The following RPS6KC1 variants were observed in gnomAD, a reference collection of about 807,000 sequenced individuals.
RPS6KC1 encodes the protein inactive ribosomal protein S6 kinase delta-1.
A neutral mutation model predicts 103.8 loss-of-function variants in RPS6KC1; 54 were observed. That is an observed-to-expected ratio of 0.52 (90% CI 0.42 to 0.65). The LOEUF (loss-of-function observed/expected upper bound fraction) is 0.65. Ranked by LOEUF, RPS6KC1 falls within the 30% of genes least tolerant of loss-of-function variation. The probability of loss-of-function intolerance (pLI) is 0.00; values close to 1 mark genes in which losing one functional copy is unlikely to be tolerated. For synonymous variants in RPS6KC1, 439 were observed against 438.7 expected, an observed-to-expected ratio of 1.00 and a Z score of -0.01; for missense variants, 1,151 against 1,253.8, an observed-to-expected ratio of 0.92 and a Z score of 1.24.
chr1:213,711,795 T>C, the RPS6KC1 span, among the ~76,000 whole-genome samples: 1 of 152,214 alleles, frequency 6.6e-6, no homozygotes, highest in African/African-American at 2.4e-5. Flanking sequence ...GCTGGTGTTT[T>C]CTGGAGGTCC....
At chr1:213,755,260 T>C in the RPS6KC1 span, among the ~76,000 whole-genome samples, 3 of 152,202 alleles carry the variant, frequency 2.0e-5, no homozygotes, top group Admixed American at 2.0e-4. Flanking sequence ...TGGCAAAAGC[T>C]GCGAAAACTT....
At chr1:213,478,483 C>A in the RPS6KC1 span, among the ~76,000 whole-genome samples, 1 of 152,140 alleles carries the variant, frequency 6.6e-6, no homozygotes, top group Non-Finnish European at 1.5e-5. Context: ...TTCCCATGAA[C>A]AAATGAGTGA....
At chr1:213,788,251 C>T in the RPS6KC1 span, among the ~76,000 whole-genome samples, 1 of 152,170 alleles carries the variant, frequency 6.6e-6, no homozygotes, top group East Asian at 1.9e-4. Flanking sequence ...TGTGCTTGCT[C>T]TAAGCAGTGG....
intron 9 of RPS6KC1, among the ~76,000 whole-genome samples, 182 bp from the exon 10 acceptor site, chr1:213,231,941 G>A (rs75248643): frequency 0.012 from 1,855 of 152,202 alleles, 36 homozygotes; most frequent in African/African-American, 0.042. Flanking sequence ...CTGGATTCAC[G>A]CCAGATGCCA....
At chr1:213,216,707 A>T (rs1463749102) in intron 8 of RPS6KC1, among the ~76,000 whole-genome samples, 1 of 152,228 alleles carries the variant, frequency 6.6e-6, no homozygotes, top group African/African-American at 2.4e-5. Context: ...AGAACTCAGG[A>T]TTAAGAAACT....
chr1:213,266,592 G>A (rs1324947079), intron 14 of RPS6KC1, among the ~76,000 whole-genome samples: 1 of 152,072 alleles, frequency 6.6e-6, no homozygotes, highest in African/African-American at 2.4e-5. Flanking sequence ...ACAACAATCT[G>A]AAAGGTGTTT....
the RPS6KC1 span, among the ~76,000 whole-genome samples, chr1:213,468,349 A>G: frequency 6.6e-6 from 1 of 152,228 alleles, no homozygotes; most frequent in Admixed American, 6.5e-5. Flanking sequence ...AGCTGGGAAG[A>G]CTTCATGCTC....
the RPS6KC1 span, among the ~76,000 whole-genome samples, chr1:213,844,927 A>T: frequency 6.6e-6 from 1 of 152,094 alleles, no homozygotes; most frequent in Non-Finnish European, 1.5e-5. Flanking sequence ...TCAGCATGTT[A>T]AAGCCTTTGA....
chr1:213,598,881 A>T, the RPS6KC1 span, among the ~76,000 whole-genome samples: 1 of 152,196 alleles, frequency 6.6e-6, no homozygotes, highest in African/African-American at 2.4e-5. Flanking sequence ...AGATTGTGCC[A>T]CTGGACTCCA....
At chr1:213,094,377 G>C (rs1309192648) in intron 3 of RPS6KC1, among the ~76,000 whole-genome samples, 2 of 151,054 alleles carry the variant, frequency 1.3e-5, no homozygotes, top group Admixed American at 6.6e-5. Flanking sequence ...TCCTTGAAAT[G>C]TCCTTTTTAG....
At chr1:213,525,898 G>T in the RPS6KC1 span, among the ~76,000 whole-genome samples, 1 of 152,172 alleles carries the variant, frequency 6.6e-6, no homozygotes, top group African/African-American at 2.4e-5. Context: ...AAAGTAAGAG[G>T]ACAGAAAGTG....
chr1:213,792,569 C>T, the RPS6KC1 span, among the ~76,000 whole-genome samples: 3 of 152,130 alleles, frequency 2.0e-5, no homozygotes, highest in Admixed American at 6.5e-5. Context: ...GGCTCTTAAT[C>T]GGATGCTAGG....
the RPS6KC1 span, among the ~76,000 whole-genome samples, chr1:213,636,403 G>T: frequency 1.8e-4 from 27 of 152,254 alleles, no homozygotes; most frequent in East Asian, 5.2e-3. Flanking sequence ...CATGGTACTG[G>T]TACCAAAACA....
At chr1:213,109,422 C>T in intron 4 of RPS6KC1, among the ~76,000 whole-genome samples, 1 of 152,338 alleles carries the variant, frequency 6.6e-6, no homozygotes, top group African/African-American at 2.4e-5. Context: ...CAGGCATGAG[C>T]AACCGTGCCC....
At chr1:213,073,922 C>A (rs546545636) in intron 2 of RPS6KC1, among the ~76,000 whole-genome samples, 9 of 152,150 alleles carry the variant, frequency 5.9e-5, no homozygotes, top group Non-Finnish European at 1.2e-4. Context: ...GCGATCTGCT[C>A]ATCTCGGCCT....
At chr1:213,847,146 A>G in the RPS6KC1 span, among the ~76,000 whole-genome samples, 1 of 152,218 alleles carries the variant, frequency 6.6e-6, no homozygotes, top group African/African-American at 2.4e-5. Context: ...AAGACTGATG[A>G]TACAGACCAA....
At chr1:213,646,990 C>T in the RPS6KC1 span, among the ~76,000 whole-genome samples, 1 of 152,038 alleles carries the variant, frequency 6.6e-6, no homozygotes, top group African/African-American at 2.4e-5. Flanking sequence ...CTCCACCTCC[C>T]AGGTTCAAGT....
chr1:213,829,285 A>AAAAG, the RPS6KC1 span, among the ~76,000 whole-genome samples: 7 of 150,350 alleles, frequency 4.7e-5, no homozygotes, highest in Non-Finnish European at 1.0e-4. Context: ...AAAAAAAAAA[A>AAAAG]AAAGCACCTC....
At chr1:213,542,824 T>C in the RPS6KC1 span, among the ~76,000 whole-genome samples, 1 of 152,364 alleles carries the variant, frequency 6.6e-6, no homozygotes, top group South Asian at 2.1e-4. Context: ...TACATGATTA[T>C]GTGCCAGCAT....
Sources: allele counts gnomAD v4.1 joint callset (sites outside exome capture counted in the v4.1 genomes callset), GRCh38; gene constraint gnomAD v4.1.1; transcripts MANE v1.5; gene names NCBI Gene and HGNC (gene_info 2026-07-23, HGNC 2026-07-21).